Variants in LRRIQ1 observed in about 807,000 individuals in gnomAD.
LRRIQ1 encodes the protein leucine-rich repeat- and IQ domain-containing protein 1.
A neutral mutation model predicts 211.9 loss-of-function variants in LRRIQ1; 210 were observed. The ratio of observed to expected loss-of-function variants is 0.99; its 90% CI spans 0.89 to 1.11. LRRIQ1 has a LOEUF of 1.11. Among genes scored for constraint, LRRIQ1 ranks in the 50% most tolerant of loss-of-function variants. The pLI is 0.00. For synonymous variants in LRRIQ1, 699 were observed against 650.1 expected (o/e 1.08, Z -1.14); for missense variants, 2,136 against 1,939.5 (o/e 1.10, Z -1.90).
rs979332140 is a variant in LRRIQ1 at position 85,190,329 on chromosome 12, C to G, written c.4822+29615C>G. On this transcript the variant is annotated intron_variant, in intron 24 of 26. Coordinates refer to ENST00000393217, the MANE Select transcript of LRRIQ1 (RefSeq NM_001079910.2). ...TTAACTGTAACTATACAGTTAAAAA[C>G]TACAGTTAATTACATAAATTATTAA... Among the ~76,000 whole-genome samples, 153 of 130,636 alleles carry G rather than the reference C, an allele frequency of 1.2e-3. 1 individual carries two copies. The highest frequency in any genetic ancestry group is 4.1e-3 in the African/African-American group (148 of 35,680). The allele number at this position is 130,636 out of a possible 152,430, so 85.7% of individuals were successfully genotyped here.
At chr12:85,209,300 T>A (rs531357061) in intron 24 of LRRIQ1, among the ~76,000 whole-genome samples, 90 of 152,202 alleles carry the variant, frequency 5.9e-4, no homozygotes, top group African/African-American at 1.9e-3. Context: ...AACACATCCC[T>A]CTTCACATGG....
the LRRIQ1 span, among the ~76,000 whole-genome samples, chr12:85,270,813 A>C: frequency 1.3e-5 from 2 of 152,154 alleles, no homozygotes; most frequent in Non-Finnish European, 1.5e-5. Flanking sequence ...ATAACATTGA[A>C]TCAGAATCTC....
intron 19 of LRRIQ1, among the ~76,000 whole-genome samples, chr12:85,139,180 A>T (rs11116725): frequency 0.24 from 36,193 of 151,286 alleles, 4,921 homozygotes; most frequent in African/African-American, 0.34. Flanking sequence ...GGCTGCATAG[A>T]TCATTCTTGG....
chr12:85,217,744 T>C (rs1894220955), intron 24 of LRRIQ1, among the ~76,000 whole-genome samples: 3 of 106,576 alleles, frequency 2.8e-5, no homozygotes, highest in East Asian at 2.0e-4. Context: ...ATATATGTAA[T>C]GTGTGTGTAT....
In LRRIQ1 at chr12:85,038,186, G is replaced by C; in HGVS notation, c.10G>C (p.Asp4His). The C allele has an allele frequency of 6.4e-7, 1 of 1,560,726 alleles. No individual in the cohort carries two copies. The highest frequency in any genetic ancestry group is 8.7e-7 in the Non-Finnish European group (1 of 1,151,286). MDD[D>H]DAKLKAEIEA... The stretch of plus-strand genomic sequence containing the variant: ...TTTATTATGAAGAATAATGGACGAT[G>C]ATGATGCAAAGCTCAAAGCAGAAAT... Residue 4 changes from aspartate (D) to histidine (H), a missense_variant, in exon 2 of 27, where the codon GAT (aspartate) becomes CAT (histidine). By Grantham distance (81) the Asp-to-His change is moderately conservative. Coordinates refer to ENST00000393217, the MANE Select transcript of LRRIQ1 (RefSeq NM_001079910.2).
chr12:85,064,580 C>T (rs1362331775), intron 8 of LRRIQ1, among the ~76,000 whole-genome samples: 2 of 151,566 alleles, frequency 1.3e-5, no homozygotes, highest in Admixed American at 6.6e-5. Flanking sequence ...GGGTATTACT[C>T]AAGAAATATT....
intron 24 of LRRIQ1, among the ~76,000 whole-genome samples, chr12:85,211,307 C>T (rs1195384078): frequency 6.6e-6 from 1 of 152,032 alleles, no homozygotes; most frequent in African/African-American, 2.4e-5. Flanking sequence ...ATATTTTTCC[C>T]ATCTTTTGAC....
chr12:85,235,097 C>T (rs1032807868), intron 26 of LRRIQ1, among the ~76,000 whole-genome samples: 7 of 152,110 alleles, frequency 4.6e-5, no homozygotes, highest in Non-Finnish European at 7.4e-5. Context: ...CATTTAAATT[C>T]TGGATATTGA....
At chr12:85,161,111 A>G (rs1390845991) in intron 24 of LRRIQ1, among the ~76,000 whole-genome samples, 1 of 152,136 alleles carries the variant, frequency 6.6e-6, no homozygotes, top group Admixed American at 6.5e-5. Context: ...ATTAAGCCCT[A>G]TAAATTATAC....
At chr12:85,266,056 T>C (rs961019053), downstream of LRRIQ1, among the ~76,000 whole-genome samples, 3 of 152,114 alleles carry the variant, frequency 2.0e-5, no homozygotes, top group Non-Finnish European at 2.9e-5. Context: ...GACCTTAAAG[T>C]GGCATAATTG....
chr12:85,221,576 A>G (rs1009415271), intron 24 of LRRIQ1, among the ~76,000 whole-genome samples: 2 of 152,186 alleles, frequency 1.3e-5, no homozygotes, highest in Admixed American at 1.3e-4. Context: ...ATCAGGGAGC[A>G]TACCCCAAAG....
intron 13 of LRRIQ1, among the ~76,000 whole-genome samples, chr12:85,099,543 T>C (rs1013825019): frequency 2.6e-5 from 4 of 151,846 alleles, no homozygotes; most frequent in Non-Finnish European, 4.4e-5. Flanking sequence ...CCACCAAACA[T>C]CTGGATCTTT....
intron 1 of LRRIQ1, among the ~76,000 whole-genome samples, chr12:85,250,785 T>TA (rs1363228447): frequency 1.1e-4 from 10 of 90,390 alleles, no homozygotes; most frequent in African/African-American, 1.6e-4. Flanking sequence ...TATATATATA[T>TA]TATATTATAG....
At chr12:85,135,781 A>C (rs987701175) in intron 18 of LRRIQ1, among the ~76,000 whole-genome samples, 10 of 89,944 alleles carry the variant, frequency 1.1e-4, no homozygotes, top group Non-Finnish European at 2.2e-4. Flanking sequence ...TTGCTTTCTA[A>C]TGTGACACAA....
intron 15 of LRRIQ1, among the ~76,000 whole-genome samples, chr12:85,109,737 A>T (rs920140281): frequency 6.6e-6 from 1 of 152,142 alleles, no homozygotes; most frequent in Non-Finnish European, 1.5e-5. Flanking sequence ...AGCCCTTTTG[A>T]TGATTCTGAT....
chr12:85,246,790 A>T (rs888214584), downstream of LRRIQ1, among the ~76,000 whole-genome samples: 2 of 151,540 alleles, frequency 1.3e-5, no homozygotes, highest in African/African-American at 2.4e-5. Flanking sequence ...GTAGAGTTTT[A>T]AAAAAATAAT....
At chr12:85,234,755 G>A (rs67463599) in intron 26 of LRRIQ1, among the ~76,000 whole-genome samples, 73,005 of 152,006 alleles carry the variant, frequency 0.48, 21,552 homozygotes, top group African/African-American at 0.84. Context: ...TAAAAATGTA[G>A]TAATAACACC....
chr12:85,158,888 T>G (rs1890707511), intron 23 of LRRIQ1, among the ~76,000 whole-genome samples: 1 of 93,038 alleles, frequency 1.1e-5, no homozygotes, highest in African/African-American at 2.9e-5. Context: ...GTTGTGTTTT[T>G]ATTTATTTAT....
At chr12:85,097,779 T>C (rs1020344587) in intron 11 of LRRIQ1, among the ~76,000 whole-genome samples, 62 of 152,170 alleles carry the variant, frequency 4.1e-4, no homozygotes, top group African/African-American at 1.4e-3. Flanking sequence ...TCTCAGTTTT[T>C]TCCTTATGAC....
Sources: gnomAD v4.1 joint callset for allele counts (sites outside exome capture counted in the v4.1 genomes callset) on GRCh38, gnomAD v4.1.1 for gene constraint, MANE v1.5 for transcripts, NCBI Gene and HGNC (gene_info 2026-07-23, HGNC 2026-07-21) for gene names.